The following JARID2 variants were observed in gnomAD, a reference collection of about 807,000 sequenced individuals.
The protein encoded by JARID2 is jumonji and AT-rich interaction domain containing 2.
A neutral mutation model predicts 125.6 loss-of-function variants in JARID2; 21 were observed. The observed-to-expected ratio is 0.17, with a 90% confidence interval of 0.12 to 0.24. The LOEUF (loss-of-function observed/expected upper bound fraction) is 0.24, where lower values mean the gene tolerates loss of function less well. Among genes scored for constraint, JARID2 ranks in the 10% least tolerant of loss-of-function variants. The probability of loss-of-function intolerance (pLI) is 1.00; values close to 1 mark genes in which losing one functional copy is unlikely to be tolerated. For missense variants in JARID2, 1,303 were observed against 1,639.6 expected (o/e 0.79, Z 3.55); for synonymous variants, 736 against 661.6 (o/e 1.11, Z -1.73).
chr6:15,415,704 C>A (rs1438274407), intron 3 of JARID2, among the ~76,000 whole-genome samples: 1 of 147,350 alleles, frequency 6.8e-6, no homozygotes, highest in Non-Finnish European at 1.5e-5. Context: ...CTGACCCCCC[C>A]ACCTCCTTCC....
intron 3 of JARID2, among the ~76,000 whole-genome samples, chr6:15,442,277 C>G (rs1483875987): frequency 2.0e-5 from 3 of 151,998 alleles, no homozygotes; most frequent in Non-Finnish European, 4.4e-5. Flanking sequence ...ATTTTAAAAA[C>G]TAAATAGGGA....
intron 2 of JARID2, among the ~76,000 whole-genome samples, chr6:15,402,185 G>T (rs1348450179): frequency 6.6e-6 from 1 of 152,204 alleles, no homozygotes; most frequent in Non-Finnish European, 1.5e-5. Flanking sequence ...CACAAAGTTT[G>T]TGGAGCTTTG....
At chr6:15,455,309 CATG>C (rs760221332) in intron 4 of JARID2, among the ~76,000 whole-genome samples, 42 of 151,494 alleles carry the variant, frequency 2.8e-4, no homozygotes, top group African/African-American at 4.4e-4. Flanking sequence ...TTATGGGTCA[CATG>C]ATGATTTTGT....
chr6:15,387,439 CTCT>C (rs1267322377), intron 2 of JARID2, among the ~76,000 whole-genome samples: 4 of 152,264 alleles, frequency 2.6e-5, no homozygotes, highest in Middle Eastern at 3.4e-3. Flanking sequence ...GTTGAGTGCC[CTCT>C]TCTTGGCTGG....
chr6:15,346,502 C>T (rs1763248809), intron 1 of JARID2, among the ~76,000 whole-genome samples: 2 of 152,134 alleles, frequency 1.3e-5, no homozygotes, highest in African/African-American at 4.8e-5. Context: ...TCTGGGTTTG[C>T]AGGGCAGATT....
At chr6:15,508,965 C>T (rs1771138558) in intron 12 of JARID2, 1 of 1,289,044 alleles carries the variant, frequency 7.8e-7, no homozygotes, top group African/African-American at 1.5e-5. Context: ...TATTTTCAGC[C>T]TCTCTGTAGA....
chr6:15,251,978 G>A (rs1241354950), intron 1 of JARID2, among the ~76,000 whole-genome samples: 1 of 151,932 alleles, frequency 6.6e-6, no homozygotes, highest in East Asian at 1.9e-4. Flanking sequence ...CCTGGGAGGC[G>A]GAGGTTGCAG....
intron 5 of JARID2, among the ~76,000 whole-genome samples, chr6:15,481,448 C>G (rs570301633): frequency 6.6e-6 from 1 of 152,124 alleles, no homozygotes; most frequent in African/African-American, 2.4e-5. Flanking sequence ...TAATCTTTCC[C>G]TGTGAGAGTG....
intron 5 of JARID2, 130 bp from the exon 6 acceptor site, chr6:15,487,177 C>T: frequency 1.3e-6 from 1 of 741,908 alleles, no homozygotes; most frequent in Non-Finnish European, 2.3e-6. Flanking sequence ...CCACCAGTTC[C>T]CTCGCTAACA....
At chr6:15,328,197 C>A (rs1021802272) in intron 1 of JARID2, among the ~76,000 whole-genome samples, 1 of 151,872 alleles carries the variant, frequency 6.6e-6, no homozygotes, top group Non-Finnish European at 1.5e-5. Context: ...TTCTGAGGTC[C>A]GAAGAAGCAA....
At chr6:15,294,453 A>C (rs1373142142) in intron 1 of JARID2, among the ~76,000 whole-genome samples, 4 of 152,178 alleles carry the variant, frequency 2.6e-5, no homozygotes, top group Admixed American at 6.5e-5. Context: ...TGGCCTCCCA[A>C]AGTGCTGGGA....
At position 15,264,640 on chromosome 6, in the gene JARID2, T is replaced by TGTGTGTGA. The variant is rs1554116824; in HGVS notation, c.45+18057_45+18058insTGTGTGAG. The stretch of plus-strand genomic sequence containing the variant: ...GTGTGTGTGTGTGTGTGTGTGTGTG[T>TGTGTGTGA]GAGAGAGAGAGAGATAGAGAGAGAG... On this transcript the variant is annotated intron_variant, in intron 1 of 17. Transcript: ENST00000341776. 5.3e-5 allele frequency among the ~76,000 whole-genome samples: 8 copies of TGTGTGTGA among 150,408 alleles called. No individual in the cohort carries two copies. In the East Asian group the frequency reaches 5.9e-4, roughly 11 times the overall value.
In JARID2 at chr6:15,413,009, TTTTTTTTTTTTTTG is replaced by T. The variant is rs1561845296; in HGVS notation, c.323+2659_323+2672del. On this transcript the variant is annotated intron_variant, in intron 3 of 17. Coordinates refer to ENST00000341776, the MANE Select transcript of JARID2 (RefSeq NM_004973.4). ...TACATGGGAAGAGCTTGTGTTTTTG[TTTTTTTTTTTTTTG>T]TTTTTTTTTTTTTGAGACTGAGTTT... Among the ~76,000 whole-genome samples, 99 of 43,772 alleles carry T rather than the reference TTTTTTTTTTTTTTG, an allele frequency of 2.3e-3. 6 individuals are homozygous for T. The highest frequency in any genetic ancestry group is 0.011 in the African/African-American group (88 of 7,942). 28.7% of individuals were successfully genotyped at this position (43,772 alleles called of 152,430 possible).
At chr6:15,287,240 T>C (rs1347803346) in intron 1 of JARID2, among the ~76,000 whole-genome samples, 2 of 152,224 alleles carry the variant, frequency 1.3e-5, no homozygotes, top group Non-Finnish European at 2.9e-5. Flanking sequence ...TGCAATCGGG[T>C]GAAATGTGTG....
intron 2 of JARID2, among the ~76,000 whole-genome samples, chr6:15,389,507 T>C (rs1217382202): frequency 6.6e-6 from 1 of 152,232 alleles, no homozygotes; most frequent in Non-Finnish European, 1.5e-5. Flanking sequence ...AGAATGCATC[T>C]AGAGTGATCT....
intron 2 of JARID2, among the ~76,000 whole-genome samples, chr6:15,397,693 G>T (rs959572167): frequency 6.6e-6 from 1 of 152,158 alleles, no homozygotes; most frequent in African/African-American, 2.4e-5. Flanking sequence ...AACATTACTG[G>T]TGCAAAATCA....
chr6:15,481,192 C>G (rs992959334), intron 5 of JARID2, among the ~76,000 whole-genome samples: 2 of 152,200 alleles, frequency 1.3e-5, no homozygotes, highest in African/African-American at 4.8e-5. Context: ...TGTGAAAACA[C>G]TTTTCTATAG....
In JARID2 at chr6:15,501,363, A is replaced by AG. The variant is rs1770725565; in HGVS notation, c.2404dup (p.Glu802GlyfsTer8). 6.3e-7 allele frequency: 1 copy of AG among 1,574,844 alleles called. No homozygotes were observed. ...GAAAAAGAAGTGGTCAAGGAAGAGG[A>AG]GGAGGACAAAGGCGTCCTCAATGAC... On this transcript the variant is annotated frameshift_variant, in exon 8 of 18. Coordinates refer to ENST00000341776, the MANE Select transcript of JARID2 (RefSeq NM_004973.4). LOFTEE classifies it high-confidence loss of function.
chr6:15,452,362 CAGTTA>C lies in JARID2; in HGVS notation c.493+192_493+196del, dbSNP rs538759779. 8.3e-4 allele frequency: 373 copies of C among 452,056 alleles called. 2 individuals carry two copies. The highest frequency in any genetic ancestry group is 6.9e-3 in the African/African-American group (322 of 46,866). 28.0% of individuals were successfully genotyped at this position (452,056 alleles called of 1,614,324 possible). ...GTGCTGGGTGTGGCTTTTGAACCATCAGTTAAGTTTTATTTCCTTTTTAATATGAC... is the reference window on the plus strand; with the variant it reads ...GTGCTGGGTGTGGCTTTTGAACCATCAGTTTTATTTCCTTTTTAATATGAC... On this transcript the variant is annotated intron_variant, in intron 4 of 17. Transcript: ENST00000341776.
Sources: gnomAD v4.1 joint callset for allele counts (sites outside exome capture counted in the v4.1 genomes callset) on GRCh38, gnomAD v4.1.1 for gene constraint, MANE v1.5 for transcripts, NCBI Gene and HGNC (gene_info 2026-07-23, HGNC 2026-07-21) for gene names.